TM2D1: variants seen among roughly 807,000 people sequenced by gnomAD.
TM2D1 encodes TM2 domain-containing protein 1.
A neutral mutation model predicts 28.4 loss-of-function variants in TM2D1; 15 were observed. That is an observed-to-expected ratio of 0.53 (90% CI 0.35 to 0.81). The LOEUF (loss-of-function observed/expected upper bound fraction) is 0.81. Among genes scored for constraint, TM2D1 ranks in the 40% least tolerant of loss-of-function variants. The pLI is 0.01. For synonymous variants in TM2D1, 93 were observed against 96.2 expected (o/e 0.97, Z 0.20); for missense variants, 236 against 254.9 (o/e 0.93, Z 0.50).
At chr1:61,688,401 G>T (rs1644298441) in intron 5 of TM2D1, among the ~76,000 whole-genome samples, 2 of 152,202 alleles carry the variant, frequency 1.3e-5, no homozygotes, top group Middle Eastern at 6.8e-3. Flanking sequence ...AATGATACAG[G>T]GAGCTATCTG....
chr1:61,711,334 A>C (rs1644477766), intron 2 of TM2D1, among the ~76,000 whole-genome samples: 1 of 151,784 alleles, frequency 6.6e-6, no homozygotes, highest in Non-Finnish European at 1.5e-5. Flanking sequence ...CACCTCAAAA[A>C]AAAAAAAAAG....
intron 4 of TM2D1, 83 bp from the exon 5 acceptor site, chr1:61,694,853 T>TTA (rs10680868): frequency 0.16 from 104,611 of 637,618 alleles, 10,012 homozygotes; most frequent in Non-Finnish European, 0.19. Context: ...TAAACCATTA[T>TTA]TATATATATA....
chr1:61,681,290 A>C lies in TM2D1; in HGVS notation c.*80T>G, dbSNP rs181393594. On this transcript the variant is annotated 3_prime_UTR_variant, in exon 7 of 7. Coordinates refer to ENST00000606498, the MANE Select transcript of TM2D1 (RefSeq NM_032027.3). ...CTCATAAAATGGTATATGAATGAAA[A>C]AGAGAAATCTTTAAATCCATACACT... 6.6e-6 allele frequency: 1 copy of C among 152,468 alleles called. No homozygotes were observed. Among genetic ancestry groups the C allele is most frequent in the Non-Finnish European group, 1.5e-5 (1 of 68,044 alleles). The allele number at this position is 152,468 out of a possible 1,614,324, so 9.4% of individuals were successfully genotyped here.
At chr1:61,687,000 G>T in intron 5 of TM2D1, 5 of 983,762 alleles carry the variant, frequency 5.1e-6, no homozygotes, top group Non-Finnish European at 6.0e-6. Context: ...TTGTCCATAG[G>T]CAACAGAGTA....
intron 3 of TM2D1, among the ~76,000 whole-genome samples, chr1:61,706,834 AAAAGAAAG>A (rs71050144): frequency 0.055 from 7,998 of 146,450 alleles, 488 homozygotes; most frequent in African/African-American, 0.15. Context: ...TGTCTTAAAA[AAAAGAAAG>A]AAAGAAAGAA....
intron 4 of TM2D1, among the ~76,000 whole-genome samples, chr1:61,700,462 T>C (rs1308909875): frequency 2.6e-5 from 4 of 152,164 alleles, no homozygotes; most frequent in Non-Finnish European, 4.4e-5. Flanking sequence ...CTAAGGGTGA[T>C]AGAAGTCAGG....
At chr1:61,699,414 A>G (rs1644386847) in intron 4 of TM2D1, 1 of 152,228 alleles carries the variant, frequency 6.6e-6, no homozygotes, top group Non-Finnish European at 1.5e-5. Flanking sequence ...ATAACTTTTG[A>G]TATCTAAAGG....
intron 2 of TM2D1, among the ~76,000 whole-genome samples, chr1:61,713,559 GC>G (rs1644494798): frequency 6.9e-6 from 1 of 145,310 alleles, no homozygotes; most frequent in Non-Finnish European, 1.5e-5. Flanking sequence ...TTCTCAAAAA[GC>G]AGCTTTAAAT....
chr1:61,723,855 A>G lies in TM2D1; in HGVS notation c.165-69T>C, dbSNP rs1570135112. The G allele has an allele frequency of 4.1e-6, 3 of 728,406 alleles. No individual in the cohort carries two copies. In the East Asian group the frequency reaches 8.4e-5, roughly 20 times the overall value. The allele number at this position is 728,406 out of a possible 1,614,324, so 45.1% of individuals were successfully genotyped here. ...ACACATTATCATGCCTTTACTATTC[A>G]TATTATATACTCATGTTGATATTCA... is the stretch of plus-strand genomic sequence containing the variant. On this transcript the variant is annotated intron_variant, in intron 1 of 6. Transcript: ENST00000606498.
intron 2 of TM2D1, among the ~76,000 whole-genome samples, chr1:61,716,923 A>T (rs1644526476): frequency 6.6e-6 from 1 of 152,136 alleles, no homozygotes; most frequent in Non-Finnish European, 1.5e-5. Flanking sequence ...AAAAGCAAAT[A>T]ATACTCTCTA....
intron 5 of TM2D1, among the ~76,000 whole-genome samples, chr1:61,689,127 T>C (rs1644306240): frequency 6.6e-6 from 1 of 152,148 alleles, no homozygotes; most frequent in Non-Finnish European, 1.5e-5. Context: ...CCAGCATTGG[T>C]AGTAGATTTA....
intron 5 of TM2D1, among the ~76,000 whole-genome samples, chr1:61,693,023 G>A (rs755814796): frequency 6.6e-5 from 10 of 152,118 alleles, no homozygotes; most frequent in Non-Finnish European, 1.3e-4. Flanking sequence ...TGGGCAGATT[G>A]CTTGAGCTCA....
chr1:61,721,380 A>G (rs1051938237), intron 2 of TM2D1, among the ~76,000 whole-genome samples: 2 of 152,014 alleles, frequency 1.3e-5, no homozygotes, highest in Non-Finnish European at 2.9e-5. Context: ...TGCCTCTACT[A>G]AAAATACAAA....
Position 61,723,753 on chromosome 1 carries a change from A to T in TM2D1, c.198T>A (p.Ala66=). The change falls in exon 2 of 7, where the codon GCT becomes GCA. Residue 66 remains alanine, a synonymous_variant. Coordinates refer to ENST00000606498, the MANE Select transcript of TM2D1 (RefSeq NM_032027.3). ...YICKDPKIND[A]TQEPVNCTNY... is the part of the protein sequence containing the mutation. ...TTGTACAGTTAACTGGTTCTTGCGT[A>T]GCGTCATTTATTTTTGGATCTTTAC... 1 of 1,560,362 alleles carries T rather than the reference A, an allele frequency of 6.4e-7. No individual in the cohort carries two copies. The highest frequency in any genetic ancestry group is 2.3e-5 in the East Asian group (1 of 43,696).
At chr1:61,694,640 T>G (rs983939798) in intron 5 of TM2D1, 57 bp downstream of exon 5, 2 of 1,190,812 alleles carry the variant, frequency 1.7e-6, no homozygotes, top group Admixed American at 2.1e-5. Flanking sequence ...GAACAGGAGA[T>G]CACAGAACTC....
intron 5 of TM2D1, among the ~76,000 whole-genome samples, chr1:61,690,886 T>A (rs564591078): frequency 2.8e-4 from 43 of 152,330 alleles, no homozygotes; most frequent in African/African-American, 9.9e-4. Context: ...ATTTATAAAA[T>A]TCATAAATGT....
chr1:61,691,933 ATATATATATATATAT>A (rs1272938273), intron 5 of TM2D1, among the ~76,000 whole-genome samples: 12 of 83,038 alleles, frequency 1.4e-4, no homozygotes, highest in South Asian at 4.5e-4. Context: ...AAAAAAAAAA[ATATATATATATATAT>A]ATATATATAT....
chr1:61,692,789 A>G (rs1259411226), intron 5 of TM2D1, among the ~76,000 whole-genome samples: 3 of 152,150 alleles, frequency 2.0e-5, no homozygotes, highest in Non-Finnish European at 4.4e-5. Context: ...CTTGAAATGG[A>G]TTTATTATAA....
chr1:61,711,467 T>C (rs745509902), intron 2 of TM2D1, among the ~76,000 whole-genome samples: 1 of 151,410 alleles, frequency 6.6e-6, no homozygotes, highest in African/African-American at 2.4e-5. Context: ...CTGGGCAACA[T>C]GGAGAGATCC....
Sources: gnomAD v4.1 joint callset for allele counts (sites outside exome capture counted in the v4.1 genomes callset) on GRCh38, gnomAD v4.1.1 for gene constraint, MANE v1.5 for transcripts, NCBI Gene and HGNC (gene_info 2026-07-23, HGNC 2026-07-21) for gene names.